Variants in MITF observed in about 807,000 individuals in gnomAD.
The protein encoded by MITF is melanocyte inducing transcription factor.
A neutral mutation model predicts 60.5 loss-of-function variants in MITF; 17 were observed. The observed-to-expected ratio is 0.28, with a 90% CI of 0.19 to 0.42. The LOEUF is 0.42. Ranked by LOEUF, MITF falls within the 10% of genes least tolerant of loss-of-function variation. The pLI is 1.00. For synonymous variants in MITF, 260 were observed against 248.5 expected (o/e 1.05, Z -0.43); for missense variants, 622 against 683.5 (o/e 0.91, Z 1.00).
At chr3:69,953,684 G>GAGAGAGAGAC (rs745759504) in intron 7 of MITF, among the ~76,000 whole-genome samples, 12 of 143,982 alleles carry the variant, frequency 8.3e-5, no homozygotes, top group Admixed American at 3.6e-4. Context: ...GAGAGAGAGA[G>GAGAGAGAGAC]AGAGACAGAG....
chr3:69,947,998 A>G (rs767310885), intron 5 of MITF, among the ~76,000 whole-genome samples: 2 of 152,204 alleles, frequency 1.3e-5, no homozygotes, highest in African/African-American at 4.8e-5. Context: ...AAACACTTTA[A>G]TCACACCTAA....
chr3:69,923,739 T>TGCATA (rs2065521993), intron 2 of MITF, among the ~76,000 whole-genome samples: 2 of 152,228 alleles, frequency 1.3e-5, no homozygotes, highest in Admixed American at 6.5e-5. Flanking sequence ...CCTCTTCCTC[T>TGCATA]TTATATGCAT....
intron 3 of MITF, chr3:69,938,765 C>T (rs2107482636): frequency 7.6e-7 from 1 of 1,323,446 alleles, no homozygotes; most frequent in East Asian, 3.1e-5. Flanking sequence ...TGAGCTTCAT[C>T]TCAATGGGAT....
At chr3:69,891,234 A>C (rs1165904439) in intron 2 of MITF, among the ~76,000 whole-genome samples, 1 of 152,220 alleles carries the variant, frequency 6.6e-6, no homozygotes. Context: ...TGTTATGAAT[A>C]TGGGCAATTG....
intron 2 of MITF, among the ~76,000 whole-genome samples, chr3:69,919,817 G>T (rs867570484): frequency 2.2e-4 from 33 of 150,782 alleles, no homozygotes; most frequent in Admixed American, 5.9e-4. Context: ...ATTTGCTGGG[G>T]TTTTTTTTTG....
chr3:69,854,706 C>A (rs2063886153), intron 1 of MITF, among the ~76,000 whole-genome samples: 1 of 152,122 alleles, frequency 6.6e-6, no homozygotes, highest in Non-Finnish European at 1.5e-5. Context: ...GCCAGATATT[C>A]TTTCTTGTGA....
At position 69,952,873 on chromosome 3, in the gene MITF, T is replaced by C. The variant is rs77022584; in HGVS notation, c.955+987T>C. Among the ~76,000 whole-genome samples, 648 of 152,298 alleles carry C rather than the reference T, an allele frequency of 4.3e-3. 3 individuals carry two copies. Among genetic ancestry groups the C allele is most frequent in the Non-Finnish European group, 6.5e-3 (442 of 68,004 alleles). On this transcript the variant is annotated intron_variant, in intron 7 of 9. Coordinates refer to ENST00000352241, the MANE Select transcript of MITF (RefSeq NM_001354604.2). ...TAGAAATCTAGATCTATCTACTTTT[T>C]GAAAACAAATTGCATAGTATTTTAT...
intron 8 of MITF, among the ~76,000 whole-genome samples, chr3:69,957,896 G>T (rs1025370213): frequency 3.9e-5 from 6 of 152,166 alleles, no homozygotes; most frequent in Non-Finnish European, 1.5e-5. Flanking sequence ...CAGGTTTCTA[G>T]AATGTGCCTT....
chr3:69,912,573 A>T (rs76339292), intron 2 of MITF, among the ~76,000 whole-genome samples: 2,345 of 152,252 alleles, frequency 0.015, 29 homozygotes, highest in Middle Eastern at 0.051. Flanking sequence ...TTAGGACAGG[A>T]ACTTTGCCTA....
At chr3:69,787,531 T>A (rs1184000208) in intron 1 of MITF, among the ~76,000 whole-genome samples, 1 of 152,206 alleles carries the variant, frequency 6.6e-6, no homozygotes, top group Non-Finnish European at 1.5e-5. Context: ...TCTCTTTCTT[T>A]CCACTTTTTG....
At chr3:69,779,395 G>A (rs1278062991) in intron 1 of MITF, among the ~76,000 whole-genome samples, 1 of 152,128 alleles carries the variant, frequency 6.6e-6, no homozygotes, top group African/African-American at 2.4e-5. Context: ...AATATGATGG[G>A]GTGTGGAATA....
At chr3:69,758,073 A>C (rs928158935) in intron 1 of MITF, among the ~76,000 whole-genome samples, 3 of 144,464 alleles carry the variant, frequency 2.1e-5, no homozygotes, top group African/African-American at 7.7e-5. Context: ...TCCACCACTC[A>C]TAAAGTATAT....
chr3:69,758,141 A>T (rs2062158485), intron 1 of MITF, among the ~76,000 whole-genome samples: 1 of 148,918 alleles, frequency 6.7e-6, no homozygotes, highest in South Asian at 2.1e-4. Flanking sequence ...ACACACACAC[A>T]CTTTCCCAGC....
intron 1 of MITF, among the ~76,000 whole-genome samples, chr3:69,771,121 G>T (rs1424205118): frequency 2.0e-5 from 3 of 152,052 alleles, no homozygotes; most frequent in Admixed American, 1.3e-4. Context: ...TTCCATGTTG[G>T]TTTCCTAAGT....
At chr3:69,938,964 T>A in intron 3 of MITF, 134 bp from the exon 4 acceptor site, 1 of 1,531,754 alleles carries the variant, frequency 6.5e-7, no homozygotes, top group Non-Finnish European at 8.8e-7. Flanking sequence ...CATTATTTCA[T>A]CTTTTGGTCA....
chr3:69,810,473 G>T (rs2063083004), intron 1 of MITF, among the ~76,000 whole-genome samples: 1 of 152,122 alleles, frequency 6.6e-6, no homozygotes, highest in Admixed American at 6.6e-5. Context: ...ATGGCGGTGT[G>T]CTCAGCTTTT....
intron 1 of MITF, among the ~76,000 whole-genome samples, chr3:69,844,474 G>A (rs959792057): frequency 8.5e-5 from 13 of 152,124 alleles, no homozygotes; most frequent in African/African-American, 2.7e-4. Flanking sequence ...ATTAACTCAA[G>A]ATGGATTAAA....
intron 2 of MITF, among the ~76,000 whole-genome samples, chr3:69,923,868 C>A (rs996309774): frequency 1.3e-5 from 2 of 152,030 alleles, no homozygotes; most frequent in Non-Finnish European, 2.9e-5. Context: ...TTTTAAATCT[C>A]TGAGAATTTG....
chr3:69,761,165 G>T (rs538369962), intron 1 of MITF, among the ~76,000 whole-genome samples: 13 of 152,078 alleles, frequency 8.5e-5, no homozygotes, highest in South Asian at 8.3e-4. Flanking sequence ...GTTAAGGAAG[G>T]TACCTATGTA....
Sources: allele counts gnomAD v4.1 joint callset (sites outside exome capture counted in the v4.1 genomes callset), GRCh38; gene constraint gnomAD v4.1.1; transcripts MANE v1.5; gene names NCBI Gene and HGNC (gene_info 2026-07-23, HGNC 2026-07-21).